UBA7: variants seen among roughly 807,000 people sequenced by gnomAD.
UBA7 encodes the protein ubiquitin like modifier activating enzyme 7.
UBA7 carries 88 observed loss-of-function variants against 113.0 expected under a neutral mutation model. That is an observed-to-expected ratio of 0.78 (90% CI 0.66 to 0.93). The LOEUF (loss-of-function observed/expected upper bound fraction) is 0.93. Ranked by LOEUF, UBA7 falls within the 40% of genes least tolerant of loss-of-function variation. The pLI is 0.00. For missense variants in UBA7, 1,092 were observed against 1,266.4 expected (o/e 0.86, Z 2.09); for synonymous variants, 459 against 513.0 (o/e 0.89, Z 1.42).
chr3:49,812,193 C>G lies in UBA7; in HGVS notation c.708G>C (p.Leu236=). ...AGAAAGTTGTTGTGTCTCCAATCTC[C>G]AGGGACCCATCCTCTGAGGGAGTTC... ...RSIHVREDGS[L]EIGDTTTFSR... is the part of the protein sequence containing the mutation. Residue 236 remains leucine, a synonymous_variant, in exon 7 of 24, where the codon CTG becomes CTC. Transcript: ENST00000333486. 1 of 1,614,226 alleles carries G rather than the reference C, an allele frequency of 6.2e-7. No homozygotes were observed. The highest frequency in any genetic ancestry group is 8.5e-7 in the Non-Finnish European group (1 of 1,180,040).
At position 49,813,742 on chromosome 3, in the gene UBA7, A is replaced by C; in HGVS notation, c.46T>G (p.Ser16Ala). ...CACCTCGGGCCTCACAGCTGTCTTGAATACAGCTCCTCATCCAGTAGCTTC... is the reference window on the plus strand; with the variant it reads ...CACCTCGGGCCTCACAGCTGTCTTGCATACAGCTCCTCATCCAGTAGCTTC... ...ASKLLDEELY[S>A]RQLYVLGSPA... is the part of the protein sequence containing the mutation. The change falls in exon 1 of 24, where the codon TCA becomes GCA. Residue 16 changes from serine to alanine, a missense_variant. By Grantham distance (99) the Ser-to-Ala change is moderately conservative. This residue lies in a region of UBA7 where 584 missense variants were observed against 714.5 expected (regional missense o/e 0.82). Coordinates refer to ENST00000333486, the MANE Select transcript of UBA7 (RefSeq NM_003335.3). The C allele has an allele frequency of 6.2e-7, 1 of 1,614,254 alleles. No homozygotes were observed. The highest frequency in any genetic ancestry group is 8.5e-7 in the Non-Finnish European group (1 of 1,180,042).
rs2081475356 is a variant in UBA7, at chr3:49,807,684, G to A, written c.2715+52C>T. 3.2e-6 allele frequency: 5 copies of A among 1,549,800 alleles called. No homozygotes were observed. The highest frequency in any genetic ancestry group is 3.8e-5 in the Admixed American group (2 of 52,270). ...TAGATTGGGGCCTGTATGGGCAGGT[G>A]CAGGGGAAACCCAGGCCTAGTAGGG... is the stretch of plus-strand genomic sequence containing the variant. On this transcript the variant is annotated intron_variant, in intron 21 of 23. Transcript: ENST00000333486. This position sits in a 1 kb window ranked among gnomAD's most constrained non-coding sequence, Gnocchi z 4.0.
In UBA7 at chr3:49,807,037, C is replaced by T. The variant is rs549106992; in HGVS notation, c.2715+699G>A. On this transcript the variant is annotated intron_variant, in intron 21 of 23. Transcript: ENST00000333486. The surrounding 1 kb of genome is among the most constrained non-coding windows in gnomAD (Gnocchi z 4.0). ...CCTTGCCCCAAGGAAATGCCAACTG[C>T]AGAGCCTGGGCACAAGGCTGGAGGC... Among the ~76,000 whole-genome samples the T allele has an allele frequency of 6.6e-6, 1 of 152,290 alleles. No individual in the cohort carries two copies. The highest frequency in any genetic ancestry group is 6.5e-5 in the Admixed American group (1 of 15,306).
chr3:49,808,479 A>G lies in UBA7; in HGVS notation c.2348-11T>C, dbSNP rs764324446. On this transcript the variant is annotated splice_polypyrimidine_tract_variant and intron_variant, in intron 18 of 23. Transcript: ENST00000333486. ...TCTGCTGCTCAGGGCCTGTCAGGGG[A>G]GGGGATGTTGAGGCAGTCCTTAGCC... The G allele has an allele frequency of 1.2e-5, 20 of 1,613,516 alleles. No individual in the cohort carries two copies. The highest frequency in any genetic ancestry group is 1.4e-5 in the Non-Finnish European group (17 of 1,179,772).
In UBA7 at chr3:49,811,090, G is replaced by A. The variant is rs1444211379; in HGVS notation, c.1124C>T (p.Ala375Val). 1.2e-6 allele frequency: 2 copies of A among 1,613,750 alleles called. No homozygotes were observed. The highest frequency in any genetic ancestry group is 1.7e-6 in the Non-Finnish European group (2 of 1,179,942). The change falls in exon 10 of 24, where the codon GCA (alanine) becomes GTA (valine). Residue 375 changes from alanine (A) to valine (V), a missense_variant and splice_region_variant. This residue lies in a region of UBA7 where 584 missense variants were observed against 714.5 expected (regional missense o/e 0.82). Transcript: ENST00000333486. ...GAVAAQEVLK[A>V]ISRKFMPLDQ... ...CAGAGGCATGAACTTCCTGGAGATTGCCTAGGGGCAGCACTTCAGGCTGGG... is the reference window on the plus strand; with the variant it reads ...CAGAGGCATGAACTTCCTGGAGATTACCTAGGGGCAGCACTTCAGGCTGGG...
In UBA7 at chr3:49,813,617, C is replaced by A. The variant is rs200916214; in HGVS notation, c.87G>T (p.Arg29Ser). 83 of 1,614,248 alleles carry A rather than the reference C, an allele frequency of 5.1e-5. No homozygotes were observed. The East Asian group carries it at 1.8e-3, about 35-fold the overall frequency. The change falls in exon 2 of 24, where the codon AGG becomes AGT. Residue 29 changes from arginine to serine, a missense_variant. This residue lies in a region of UBA7 where 584 missense variants were observed against 714.5 expected (regional missense o/e 0.82). Coordinates refer to ENST00000333486, the MANE Select transcript of UBA7 (RefSeq NM_003335.3). ...LYVLGSPAMQ[R>S]IQGARVLVSG... The stretch of plus-strand genomic sequence containing the variant: ...ACACCAGGACCCTGGCTCCCTGAAT[C>A]CTCTGCATGGCAGGTGAGCCCAGCA...
At position 49,811,446 on chromosome 3, in the gene UBA7, C is replaced by T; in HGVS notation, c.949G>A (p.Glu317Lys). Residue 317 changes from glutamate to lysine, a missense_variant, in exon 9 of 24, where the codon GAG becomes AAG. Physicochemically the swap from Glu to Lys is moderately conservative, Grantham distance 56 (BLOSUM62 1). Around this residue, in one of 3 missense-constraint regions of UBA7, gnomAD observed 584 missense variants for 714.5 expected, o/e 0.82. Transcript: ENST00000333486. Reference protein sequence around the residue: ...PPQPWDPVDAETVVGLARDLE... With the variant: ...PPQPWDPVDAKTVVGLARDLE... ...TCCCGGGCCAGGCCCACCACAGTCTCTGCATCAACCTGTTGGTAGGACTCT... is the reference window on the plus strand; with the variant it reads ...TCCCGGGCCAGGCCCACCACAGTCTTTGCATCAACCTGTTGGTAGGACTCT... The T allele has an allele frequency of 6.4e-7, 1 of 1,573,812 alleles. No individual in the cohort carries two copies. The highest frequency in any genetic ancestry group is 8.6e-7 in the Non-Finnish European group (1 of 1,159,754).
Position 49,811,980 on chromosome 3 carries a change from C to T in UBA7, c.829G>A (p.Val277Met). 6.2e-7 allele frequency: 1 copy of T among 1,614,198 alleles called. No individual in the cohort carries two copies. Among genetic ancestry groups the T allele is most frequent in the African/African-American group, 1.3e-5 (1 of 75,044 alleles). ...TGAACTTCCTGGGAGCTCTGGGCCA[C>T]CACATGGGGCTGGAGCAGGGCTGTG... is the stretch of plus-strand genomic sequence containing the variant. ...LDTALLQPHVVAQSSQEVHHA... is the reference protein window; with the variant it reads ...LDTALLQPHVMAQSSQEVHHA... Residue 277 changes from valine to methionine, a missense_variant, in exon 8 of 24, where the codon GTG (valine) becomes ATG (methionine). Coordinates refer to ENST00000333486, the MANE Select transcript of UBA7 (RefSeq NM_003335.3).
intron 6 of UBA7, 72 bp downstream of exon 6, chr3:49,812,336 A>C: frequency 5.0e-6 from 8 of 1,611,050 alleles, no homozygotes; most frequent in Non-Finnish European, 6.8e-6. Context: ...AACCCATCCC[A>C]AGGGCCAGGC....
chr3:49,810,848 G>T lies in UBA7; in HGVS notation c.1231-16C>A, dbSNP rs375985745. On this transcript the variant is annotated splice_polypyrimidine_tract_variant and intron_variant, in intron 10 of 23. Transcript: ENST00000333486. This position sits in a 1 kb window ranked among gnomAD's most constrained non-coding sequence, Gnocchi z 5.6. ...GGCTGCCTCTCTAGGGGACAGAGAC[G>T]GGGTCAGTGATGGCTACTGGCCTGC... The T allele has an allele frequency of 9.3e-6, 15 of 1,614,088 alleles. No homozygotes were observed. The highest frequency in any genetic ancestry group is 1.0e-5 in the Non-Finnish European group (12 of 1,179,990).
Position 49,805,516 on chromosome 3 carries a change from G to A in UBA7, c.2910-79C>T, listed in dbSNP as rs2081433698. 2.9e-6 allele frequency: 4 copies of A among 1,394,440 alleles called. No homozygotes were observed. In the Admixed American group the frequency reaches 5.3e-5, roughly 19 times the overall value. The allele number at this position is 1,394,440 out of a possible 1,614,324, so 86.4% of individuals were successfully genotyped here. On this transcript the variant is annotated intron_variant, in intron 23 of 23. Coordinates refer to ENST00000333486, the MANE Select transcript of UBA7 (RefSeq NM_003335.3). The stretch of plus-strand genomic sequence containing the variant: ...GGCAGCCTGGCATGGACTAGAGAGG[G>A]TGCTGGCAGGCCGTCAGGAGCCCAA...
At chr3:49,808,830 T>C in intron 18 of UBA7, 146 bp downstream of exon 18, 1 of 1,028,328 alleles carries the variant, frequency 9.7e-7, no homozygotes, top group Non-Finnish European at 1.4e-6. Context: ...CCTGAAACTA[T>C]GGAGGAGTGA....
rs904084189 is a variant in UBA7 at position 49,809,174 on chromosome 3, A to G, written c.2164-15T>C. On this transcript the variant is annotated splice_polypyrimidine_tract_variant and intron_variant, in intron 17 of 23. Coordinates refer to ENST00000333486, the MANE Select transcript of UBA7 (RefSeq NM_003335.3). ...AGGTGTGTGTCCTGCAGCCAGACCA[A>G]GAGCAGGAACAGAGGCATGGGTGCA... 1.6e-5 allele frequency: 26 copies of G among 1,603,570 alleles called. No homozygotes were observed. Among genetic ancestry groups the G allele is most frequent in the Middle Eastern group, 1.7e-4 (1 of 5,738 alleles).
Position 49,811,859 on chromosome 3 carries a change from G to A in UBA7, c.939+11C>T. On this transcript the variant is annotated intron_variant, in intron 8 of 23. Coordinates refer to ENST00000333486, the MANE Select transcript of UBA7 (RefSeq NM_003335.3). ...ACAGAGGCTGGGGGTGGGAGCAACA[G>A]GACTACTCACAGGATCCCAGGGCTG... 1 of 1,612,796 alleles carries A rather than the reference G, an allele frequency of 6.2e-7. No individual in the cohort carries two copies.
chr3:49,812,886 G>T, intron 4 of UBA7, 148 bp from the exon 5 acceptor site: 5 of 1,177,450 alleles, frequency 4.2e-6, no homozygotes, highest in South Asian at 1.4e-5. Context: ...ACTGGAGCAG[G>T]TCTGGAGGCT....
At chr3:49,809,753 T>C (rs1575373794) in intron 15 of UBA7, 28 bp from the exon 16 acceptor site, 2 of 1,614,018 alleles carry the variant, frequency 1.2e-6, no homozygotes, top group Non-Finnish European at 1.7e-6. Context: ...AGTGTGAGAC[T>C]GAGTCCTGCA....
chr3:49,811,789 G>A lies in UBA7; in HGVS notation c.939+81C>T, dbSNP rs1011658478. On this transcript the variant is annotated intron_variant, in intron 8 of 23. Transcript: ENST00000333486. ...GTGTTGGGAGATCAGACTTGGATTT[G>A]TGAATGGTCATTGTTGCCTCTGGCA... The A allele has an allele frequency of 5.7e-6, 9 of 1,582,044 alleles. No individual in the cohort carries two copies. In the African/African-American group the frequency reaches 1.1e-4, roughly 19 times the overall value.
chr3:49,806,716 T>C (rs1390474661), intron 21 of UBA7, among the ~76,000 whole-genome samples: 2 of 151,918 alleles, frequency 1.3e-5, no homozygotes, highest in African/African-American at 4.8e-5. Context: ...GACCTAGAGC[T>C]AAGGACAGAA....
At chr3:49,805,525 G>T in intron 23 of UBA7, 88 bp from the exon 24 acceptor site, 2 of 1,304,324 alleles carry the variant, frequency 1.5e-6, no homozygotes, top group Non-Finnish European at 1.1e-6. Context: ...GGTGCTGGCA[G>T]GCCGTCAGGA....
Sources: gnomAD v4.1 joint callset for allele counts (sites outside exome capture counted in the v4.1 genomes callset) on GRCh38, gnomAD v4.1.1 for gene constraint, gnomAD v4.1.1 regional missense constraint, Gnocchi (gnomAD v3.1) non-coding constraint, MANE v1.5 for transcripts, NCBI Gene and HGNC (gene_info 2026-07-23, HGNC 2026-07-21) for gene names.